Variants in RFTN1 observed in about 807,000 individuals in gnomAD.
RFTN1 encodes the protein raftlin, lipid raft linker 1.
Under a neutral mutation model 46.5 loss-of-function variants are expected in RFTN1, and 26 were observed. The ratio of observed to expected loss-of-function variants is 0.56; its 90% CI spans 0.41 to 0.78. The LOEUF is 0.78. Among genes scored for constraint, RFTN1 ranks in the 30% least tolerant of loss-of-function variants. The probability of loss-of-function intolerance (pLI) is 0.00; values close to 1 mark genes in which losing one functional copy is unlikely to be tolerated. For synonymous variants in RFTN1, 261 were observed against 284.2 expected (o/e 0.92, Z 0.82); for missense variants, 693 against 718.7 (o/e 0.96, Z 0.41).
rs915137521 is a variant in RFTN1, at chr3:16,458,236, A to G, written c.146-24199T>C. Among the ~76,000 whole-genome samples, 1 of 152,248 alleles carries G rather than the reference A, an allele frequency of 6.6e-6. No individual in the cohort carries two copies. The highest frequency in any genetic ancestry group is 2.4e-5 in the African/African-American group (1 of 41,462). On this transcript the variant is annotated intron_variant, in intron 2 of 9. Transcript: ENST00000334133. This position sits in a 1 kb window ranked among gnomAD's most constrained non-coding sequence, Gnocchi z 5.1. ...AGGTACCAGGAAGATAAAAGGAAAC[A>G]AGATGAGATGATTAGACAATAGAGG...
At chr3:16,482,833 C>A in intron 2 of RFTN1, 2 of 1,536,002 alleles carry the variant, frequency 1.3e-6, no homozygotes, top group Non-Finnish European at 1.7e-6. Context: ...GGCAGAACAG[C>A]CTTTCTGCCA....
chr3:16,403,679 A>AAT (rs796417385), intron 4 of RFTN1, among the ~76,000 whole-genome samples: 1 of 22,036 alleles, frequency 4.5e-5, no homozygotes, highest in African/African-American at 1.7e-4. Context: ...TATAATATAT[A>AAT]ATATATATAT....
chr3:16,416,585 CT>C (rs1163382900), intron 3 of RFTN1, among the ~76,000 whole-genome samples: 3 of 152,170 alleles, frequency 2.0e-5, no homozygotes, highest in Non-Finnish European at 4.4e-5. Context: ...ACCTTTGCAA[CT>C]TTTCTGTTAA....
intron 6 of RFTN1, among the ~76,000 whole-genome samples, chr3:16,366,995 G>T (rs2073223498): frequency 6.6e-6 from 1 of 152,232 alleles, no homozygotes; most frequent in African/African-American, 2.4e-5. Flanking sequence ...TATGTCCCAG[G>T]GTGGGAGGCA....
chr3:16,394,737 AT>A (rs11321520), intron 4 of RFTN1, among the ~76,000 whole-genome samples: 84,580 of 151,478 alleles, frequency 0.56, 24,856 homozygotes, highest in African/African-American at 0.76. Context: ...GGTGTTTTCT[AT>A]TTTTTTTTAA....
At position 16,346,313 on chromosome 3, in the gene RFTN1, TA is replaced by T; in HGVS notation, c.1146+11618del. The T allele has an allele frequency of 6.6e-6, 1 of 152,336 alleles. No homozygotes were observed. The highest frequency in any genetic ancestry group is 1.5e-5 in the Non-Finnish European group (1 of 68,018). 9.4% of individuals were successfully genotyped at this position (152,336 alleles called of 1,614,324 possible). The stretch of plus-strand genomic sequence containing the variant: ...AATATTTATTTGTTGGATAAATTTT[TA>T]AAAAGATATAACTTACTTGTATCAC... On this transcript the variant is annotated intron_variant, in intron 7 of 9. Transcript: ENST00000334133. The surrounding 1 kb of genome is among the most constrained non-coding windows in gnomAD (Gnocchi z 4.4).
chr3:16,357,125 A>AC (rs1458410557), intron 7 of RFTN1, among the ~76,000 whole-genome samples: 36 of 83,482 alleles, frequency 4.3e-4, no homozygotes, highest in African/African-American at 2.0e-3. Flanking sequence ...AAAAAAAAAA[A>AC]AAACAAAAAA....
rs2072133471 is a variant in RFTN1, at chr3:16,351,956, G to A, written c.1146+5976C>T. ...TTTAAAGAAACTGACACTGGGCATT[G>A]TAGCCAGCACACTTTGGGTGTGGTT... is the stretch of plus-strand genomic sequence containing the variant. On this transcript the variant is annotated intron_variant, in intron 7 of 9. Transcript: ENST00000334133. This position sits in a 1 kb window ranked among gnomAD's most constrained non-coding sequence, Gnocchi z 5.4. 6.6e-6 allele frequency among the ~76,000 whole-genome samples: 1 copy of A among 152,208 alleles called. No homozygotes were observed. Among genetic ancestry groups the A allele is most frequent in the African/African-American group, 2.4e-5 (1 of 41,446 alleles).
chr3:16,486,754 T>C (rs2076453810), intron 2 of RFTN1, among the ~76,000 whole-genome samples: 1 of 152,222 alleles, frequency 6.6e-6, no homozygotes, highest in Non-Finnish European at 1.5e-5. Flanking sequence ...TGAACCAAAG[T>C]AAAATACCAA....
At chr3:16,435,911 G>GACATAAATATAT (rs1477304184) in intron 2 of RFTN1, among the ~76,000 whole-genome samples, 1 of 90,826 alleles carries the variant, frequency 1.1e-5, no homozygotes, top group African/African-American at 5.0e-5. Context: ...AAAAATCAGA[G>GACATAAATATAT]ATGTAAATAT....
In RFTN1 at chr3:16,382,578, C is replaced by T. The variant is rs1434853268; in HGVS notation, c.442-4476G>A. Among the ~76,000 whole-genome samples, 1 of 152,112 alleles carries T rather than the reference C, an allele frequency of 6.6e-6. No homozygotes were observed. Among genetic ancestry groups the T allele is most frequent in the African/African-American group, 2.4e-5 (1 of 41,420 alleles). On this transcript the variant is annotated intron_variant, in intron 4 of 9. Coordinates refer to ENST00000334133, the MANE Select transcript of RFTN1 (RefSeq NM_015150.2). This position sits in a 1 kb window ranked among gnomAD's most constrained non-coding sequence, Gnocchi z 4.7. ...AGCTACAAATCAGATGTTCATTATT[C>T]CTAAGTGTGAACCCCTAGCCCTGGC... is the stretch of plus-strand genomic sequence containing the variant.
chr3:16,483,462 C>T lies in RFTN1; in HGVS notation c.145+10263G>A, dbSNP rs1454194569. Among the ~76,000 whole-genome samples the T allele has an allele frequency of 6.6e-6, 1 of 152,154 alleles. No homozygotes were observed. The highest frequency in any genetic ancestry group is 1.5e-5 in the Non-Finnish European group (1 of 68,022). On this transcript the variant is annotated intron_variant, in intron 2 of 9. Coordinates refer to ENST00000334133, the MANE Select transcript of RFTN1 (RefSeq NM_015150.2). This position sits in a 1 kb window ranked among gnomAD's most constrained non-coding sequence, Gnocchi z 4.8. ...TCTGTTGACACCTGTTCTGTAGTGTCAACTGTAGGTGGGGTGGGGACACAG... is the reference window on the plus strand; with the variant it reads ...TCTGTTGACACCTGTTCTGTAGTGTTAACTGTAGGTGGGGTGGGGACACAG...
At position 16,421,550 on chromosome 3, in the gene RFTN1, C is replaced by T. The variant is rs2075183868; in HGVS notation, c.333-12067G>A. Among the ~76,000 whole-genome samples, 1 of 151,986 alleles carries T rather than the reference C, an allele frequency of 6.6e-6. No individual in the cohort carries two copies. Among genetic ancestry groups the T allele is most frequent in the Admixed American group, 6.6e-5 (1 of 15,256 alleles). On this transcript the variant is annotated intron_variant, in intron 3 of 9. Coordinates refer to ENST00000334133, the MANE Select transcript of RFTN1 (RefSeq NM_015150.2). This position sits in a 1 kb window ranked among gnomAD's most constrained non-coding sequence, Gnocchi z 4.6. The stretch of plus-strand genomic sequence containing the variant: ...TATTTTTAGTAGAGACAGGGTTTCA[C>T]CATGTTGGCCAGGATGGTCTCGATC...
Position 16,326,882 on chromosome 3 carries a change from G to A in RFTN1, c.1147-6C>T, listed in dbSNP as rs766892442. On this transcript the variant is annotated splice_polypyrimidine_tract_variant and splice_region_variant and intron_variant, in intron 7 of 9. Transcript: ENST00000334133. Reference sequence around the variant, plus strand: ...TCTGTCTGCACTTCGACACCCTGGGGGAACAAGGCCAGCATTAGGGCTGCT... The same window carrying A: ...TCTGTCTGCACTTCGACACCCTGGGAGAACAAGGCCAGCATTAGGGCTGCT... The A allele has an allele frequency of 3.7e-6, 6 of 1,611,660 alleles. No individual in the cohort carries two copies. Among genetic ancestry groups the A allele is most frequent in the Non-Finnish European group, 5.1e-6 (6 of 1,178,840 alleles).
At chr3:16,482,884 G>A (rs2076391328) in intron 2 of RFTN1, 36 of 1,509,346 alleles carry the variant, frequency 2.4e-5, no homozygotes, top group African/African-American at 2.8e-5. Flanking sequence ...TCCCACCGGG[G>A]TGAGCTTAAA....
chr3:16,499,101 C>T lies in RFTN1; in HGVS notation c.-8-5224G>A, dbSNP rs745803011. On this transcript the variant is annotated intron_variant, in intron 1 of 9. Coordinates refer to ENST00000334133, the MANE Select transcript of RFTN1 (RefSeq NM_015150.2). This position sits in a 1 kb window ranked among gnomAD's most constrained non-coding sequence, Gnocchi z 4.9. ...AAGACACAGGTGTGCTGCACATTCC[C>T]GCACACAGACATTCAGGGAGTGTCT... Among the ~76,000 whole-genome samples, 7 of 152,168 alleles carry T rather than the reference C, an allele frequency of 4.6e-5. No homozygotes were observed. The South Asian group carries it at 6.2e-4, about 14-fold the overall frequency.
At chr3:16,358,844 C>T (rs1413149587) in intron 6 of RFTN1, among the ~76,000 whole-genome samples, 1 of 151,792 alleles carries the variant, frequency 6.6e-6, no homozygotes, top group Admixed American at 6.6e-5. Flanking sequence ...CCAGCCTGGG[C>T]AACACAATGA....
Position 16,427,243 on chromosome 3 carries a change from T to C in RFTN1, c.332+6608A>G, listed in dbSNP as rs1405083636. Among the ~76,000 whole-genome samples, 2 of 152,088 alleles carry C rather than the reference T, an allele frequency of 1.3e-5. No individual in the cohort carries two copies. The highest frequency in any genetic ancestry group is 6.5e-5 in the Admixed American group (1 of 15,274). On this transcript the variant is annotated intron_variant, in intron 3 of 9. Transcript: ENST00000334133. This position sits in a 1 kb window ranked among gnomAD's most constrained non-coding sequence, Gnocchi z 5.4. ...AAGACCTGGCAACACCTGATAACCA[T>C]AGGACAGAGCTAAGGCATTGACTCA... is the stretch of plus-strand genomic sequence containing the variant.
Position 16,337,643 on chromosome 3 carries a change from G to A in RFTN1, c.1147-10767C>T, listed in dbSNP as rs1021823712. Among the ~76,000 whole-genome samples the A allele has an allele frequency of 6.6e-6, 1 of 151,586 alleles. No homozygotes were observed. The highest frequency in any genetic ancestry group is 1.5e-5 in the Non-Finnish European group (1 of 67,958). On this transcript the variant is annotated intron_variant, in intron 7 of 9. Transcript: ENST00000334133. The surrounding 1 kb of genome is among the most constrained non-coding windows in gnomAD (Gnocchi z 5.0). ...TGTAGTCCCAGCTACTCGGGAGGCT[G>A]AGGCAGGAGAATCGCTTGAACCCAG...
Sources: gnomAD v4.1 joint callset for allele counts (sites outside exome capture counted in the v4.1 genomes callset) on GRCh38, gnomAD v4.1.1 for gene constraint, Gnocchi (gnomAD v3.1) non-coding constraint, MANE v1.5 for transcripts, NCBI Gene and HGNC (gene_info 2026-07-23, HGNC 2026-07-21) for gene names.